SND1: variants seen among roughly 807,000 people sequenced by gnomAD.
The protein encoded by SND1 is staphylococcal nuclease domain-containing protein 1.
SND1 carries 38 observed loss-of-function variants against 121.7 expected under a neutral mutation model. That is an observed-to-expected ratio of 0.31 (90% CI 0.24 to 0.41). The LOEUF (loss-of-function observed/expected upper bound fraction) is 0.41, where lower values mean the gene tolerates loss of function less well. Ranked by LOEUF, SND1 falls within the 10% of genes least tolerant of loss-of-function variation. SND1 has a pLI of 1.00. For synonymous variants in SND1, 401 were observed against 447.4 expected (o/e 0.90, Z 1.31); for missense variants, 868 against 1,184.6 (o/e 0.73, Z 3.92).
chr7:127,890,161 C>T (rs1353113841), intron 13 of SND1, among the ~76,000 whole-genome samples: 1 of 152,104 alleles, frequency 6.6e-6, no homozygotes, highest in Non-Finnish European at 1.5e-5. Flanking sequence ...TACGAGGGCT[C>T]CCTTTTCTCC....
At chr7:127,719,182 A>G (rs1649143890) in intron 9 of SND1, among the ~76,000 whole-genome samples, 1 of 152,182 alleles carries the variant, frequency 6.6e-6, no homozygotes, top group African/African-American at 2.4e-5. Context: ...CCTTCATCCA[A>G]ATGTGGGATT....
At chr7:127,957,492 G>T (rs559112533) in intron 15 of SND1, among the ~76,000 whole-genome samples, 1 of 152,258 alleles carries the variant, frequency 6.6e-6, no homozygotes, top group African/African-American at 2.4e-5. Flanking sequence ...CTGAGTTTCA[G>T]TGTCTAACAT....
At chr7:127,740,554 G>A (rs1796861792) in intron 10 of SND1, among the ~76,000 whole-genome samples, 1 of 152,196 alleles carries the variant, frequency 6.6e-6, no homozygotes. Flanking sequence ...GAATAATGCA[G>A]AGGAAAAATG....
At chr7:127,691,192 C>G (rs1795907164) in intron 2 of SND1, among the ~76,000 whole-genome samples, 1 of 150,548 alleles carries the variant, frequency 6.6e-6, no homozygotes, top group Admixed American at 6.6e-5. Context: ...TAAACACCAC[C>G]CATTCCCCAA....
chr7:128,022,222 A>G (rs967346385), intron 16 of SND1, among the ~76,000 whole-genome samples: 5 of 151,020 alleles, frequency 3.3e-5, no homozygotes, highest in African/African-American at 1.2e-4. Context: ...AAAAAAAAAA[A>G]AAAAAGAAGG....
At chr7:127,833,919 T>C (rs1798814435) in intron 11 of SND1, among the ~76,000 whole-genome samples, 1 of 152,222 alleles carries the variant, frequency 6.6e-6, no homozygotes, top group African/African-American at 2.4e-5. Flanking sequence ...ATTTGACTAC[T>C]CTAGGTACCT....
chr7:128,019,941 G>C (rs1280233551), intron 16 of SND1, among the ~76,000 whole-genome samples: 5 of 152,216 alleles, frequency 3.3e-5, no homozygotes, highest in Non-Finnish European at 5.9e-5. Context: ...CAGGGAGGTA[G>C]AGCGGGACTC....
At chr7:127,823,365 G>A (rs760762208) in intron 11 of SND1, among the ~76,000 whole-genome samples, 9 of 152,138 alleles carry the variant, frequency 5.9e-5, no homozygotes, top group Admixed American at 5.2e-4. Flanking sequence ...ATGGCCTTGG[G>A]AAGGGGGAGC....
chr7:127,812,321 C>T (rs956091896), intron 11 of SND1, among the ~76,000 whole-genome samples: 1 of 152,190 alleles, frequency 6.6e-6, no homozygotes, highest in African/African-American at 2.4e-5. Flanking sequence ...GTATATCTGC[C>T]TTCAGAGTGC....
At chr7:127,855,562 A>G (rs1799259980) in intron 12 of SND1, among the ~76,000 whole-genome samples, 2 of 152,016 alleles carry the variant, frequency 1.3e-5, no homozygotes, top group South Asian at 4.2e-4. Context: ...AATAGTATAT[A>G]CCTCATAAGG....
intron 16 of SND1, among the ~76,000 whole-genome samples, chr7:128,068,978 A>G (rs955703542): frequency 1.5e-4 from 23 of 152,254 alleles, no homozygotes; most frequent in Admixed American, 2.6e-4. Flanking sequence ...CAGTCAGGCC[A>G]GGTCCAGCGT....
At chr7:127,789,358 T>C (rs112160879) in intron 10 of SND1, among the ~76,000 whole-genome samples, 14 of 152,256 alleles carry the variant, frequency 9.2e-5, no homozygotes, top group African/African-American at 3.1e-4. Flanking sequence ...CCAAACCTTT[T>C]TAAAAAATTC....
chr7:127,709,498 G>T (rs141043898), intron 9 of SND1, among the ~76,000 whole-genome samples: 69 of 152,302 alleles, frequency 4.5e-4, no homozygotes, highest in African/African-American at 1.6e-3. Context: ...GCCTTGGCTG[G>T]TTGGGGAGTT....
intron 8 of SND1, among the ~76,000 whole-genome samples, chr7:127,706,402 G>T (rs946023280): frequency 6.6e-6 from 1 of 151,752 alleles, no homozygotes; most frequent in African/African-American, 2.4e-5. Flanking sequence ...GACTACAGGC[G>T]CATGCCACCA....
At chr7:128,013,023 T>G (rs1017005579) in intron 16 of SND1, among the ~76,000 whole-genome samples, 2 of 152,142 alleles carry the variant, frequency 1.3e-5, no homozygotes, top group African/African-American at 2.4e-5. Flanking sequence ...CCTGCACCTC[T>G]GTAGAAGGGC....
At chr7:127,904,663 C>A (rs139725147) in intron 13 of SND1, 84 bp from the exon 14 acceptor site, 2 of 836,730 alleles carry the variant, frequency 2.4e-6, no homozygotes, top group Non-Finnish European at 2.1e-6. Flanking sequence ...TAACAACCCT[C>A]GCTTCTCTCT....
At chr7:127,960,244 C>T (rs1475359169) in intron 15 of SND1, among the ~76,000 whole-genome samples, 1 of 152,180 alleles carries the variant, frequency 6.6e-6, no homozygotes, top group East Asian at 1.9e-4. Flanking sequence ...TTTCCTAGCA[C>T]GATGGTGGGC....
At chr7:127,954,272 A>G (rs894610109) in intron 15 of SND1, among the ~76,000 whole-genome samples, 1 of 152,324 alleles carries the variant, frequency 6.6e-6, no homozygotes, top group African/African-American at 2.4e-5. Flanking sequence ...TTTTGTATGG[A>G]GATGCTGTAC....
At chr7:128,079,664 G>T (rs2117057220) in intron 17 of SND1, among the ~76,000 whole-genome samples, 1 of 152,352 alleles carries the variant, frequency 6.6e-6, no homozygotes, top group East Asian at 1.9e-4. Flanking sequence ...CGCGTTAAAG[G>T]CAGAAGTGTG....
Sources: gnomAD v4.1 joint callset for allele counts (sites outside exome capture counted in the v4.1 genomes callset) on GRCh38, gnomAD v4.1.1 for gene constraint, MANE v1.5 for transcripts, NCBI Gene and HGNC (gene_info 2026-07-23, HGNC 2026-07-21) for gene names.